APCDD1L: variants seen among roughly 807,000 people sequenced by gnomAD.
APCDD1L encodes the protein APC down-regulated 1 like, also known as protein APCDD1-like.
Under a neutral mutation model 24.2 loss-of-function variants are expected in APCDD1L, and 21 were observed. The observed-to-expected ratio is 0.87, with a 90% CI of 0.61 to 1.25. The LOEUF (loss-of-function observed/expected upper bound fraction) is 1.25. Among genes scored for constraint, APCDD1L ranks in the 50% most tolerant of loss-of-function variants. The pLI is 0.00. For synonymous variants in APCDD1L, 321 were observed against 323.6 expected (o/e 0.99, Z 0.09); for missense variants, 704 against 711.7 (o/e 0.99, Z 0.12).
chr20:58,481,968 G>A (rs530666065), intron 1 of APCDD1L, among the ~76,000 whole-genome samples: 134 of 152,278 alleles, frequency 8.8e-4, no homozygotes, highest in Middle Eastern at 3.4e-3. Context: ...GCTCCAGTTG[G>A]AACCACATAA....
chr20:58,468,200 G>A (rs1989752994), intron 2 of APCDD1L, among the ~76,000 whole-genome samples: 1 of 152,174 alleles, frequency 6.6e-6, no homozygotes, highest in Admixed American at 6.5e-5. Context: ...GTTTTGGTGG[G>A]CTGGGTGGTT....
chr20:58,467,608 T>TAGA lies in APCDD1L; in HGVS notation c.236_238dup (p.Phe79dup). The TAGA allele has an allele frequency of 6.5e-7, 1 of 1,545,662 alleles. No homozygotes were observed. Among genetic ancestry groups the TAGA allele is most frequent in the Non-Finnish European group, 8.7e-7 (1 of 1,143,030 alleles). On this transcript the variant is annotated inframe_insertion, in exon 3 of 4. Coordinates refer to ENST00000371149, the MANE Select transcript of APCDD1L (RefSeq NM_153360.3). The surrounding 1 kb of genome is among the most constrained non-coding windows in gnomAD (Gnocchi z 5.9). ...GTGGGCTCGAAAGAGCCGGCTGGGG[T>TAGA]AGAAGGTGTAGGCGCGGGTCAGGAA...
intron 1 of APCDD1L, among the ~76,000 whole-genome samples, chr20:58,478,027 A>C (rs930029665): frequency 1.3e-5 from 2 of 152,054 alleles, no homozygotes; most frequent in Non-Finnish European, 2.9e-5. Context: ...CTGAATATTT[A>C]TTTTACTTTA....
chr20:58,480,474 C>T (rs536340995), intron 1 of APCDD1L, among the ~76,000 whole-genome samples: 8 of 152,300 alleles, frequency 5.3e-5, no homozygotes, highest in Admixed American at 1.3e-4. Context: ...GTCTGGACCA[C>T]GGGATGGAGG....
chr20:58,482,948 A>T (rs1990050346), intron 1 of APCDD1L, among the ~76,000 whole-genome samples: 1 of 152,212 alleles, frequency 6.6e-6, no homozygotes, highest in South Asian at 2.1e-4. Context: ...GTTGCAGAGC[A>T]GAGAGGCATC....
rs1289441711 is a variant in APCDD1L at position 58,508,856 on chromosome 20, T to C, written c.49+5803A>G. Among the ~76,000 whole-genome samples, 1 of 151,096 alleles carries C rather than the reference T, an allele frequency of 6.6e-6. No individual in the cohort carries two copies. The highest frequency in any genetic ancestry group is 2.4e-5 in the African/African-American group (1 of 41,028). ...ATGATAGGCCACGGTGTATGGAGAG[T>C]GAGGGGTGCCGTGCAGAAAGGCAGA... is the stretch of plus-strand genomic sequence containing the variant. On this transcript the variant is annotated intron_variant, in intron 1 of 3. Coordinates refer to ENST00000371149, the MANE Select transcript of APCDD1L (RefSeq NM_153360.3). This position sits in a 1 kb window ranked among gnomAD's most constrained non-coding sequence, Gnocchi z 4.0.
At position 58,461,678 on chromosome 20, in the gene APCDD1L, CCT is replaced by C; in HGVS notation, c.742-126_742-125del. On this transcript the variant is annotated intron_variant, in intron 3 of 3. Transcript: ENST00000371149. This position sits in a 1 kb window ranked among gnomAD's most constrained non-coding sequence, Gnocchi z 6.0. ...GGTGAGGTGCGGCCTGTCCCTCCCT[CCT>C]CTCTCTCCTCACTCCCTGCCTTCAG... is the stretch of plus-strand genomic sequence containing the variant. 1 of 971,368 alleles carries C rather than the reference CCT, an allele frequency of 1.0e-6. No homozygotes were observed. Among genetic ancestry groups the C allele is most frequent in the Non-Finnish European group, 1.4e-6 (1 of 734,858 alleles). The allele number at this position is 971,368 out of a possible 1,614,324, so 60.2% of individuals were successfully genotyped here. A position where few individuals can be genotyped will look rare whatever the true frequency, so the allele number is the denominator to read the frequency against.
At chr20:58,482,979 C>T (rs1396068228) in intron 1 of APCDD1L, among the ~76,000 whole-genome samples, 1 of 152,188 alleles carries the variant, frequency 6.6e-6, no homozygotes, top group East Asian at 1.9e-4. Context: ...CAGGGTCTGA[C>T]ATTCCAAGCC....
rs1428937254 is a variant in APCDD1L at position 58,515,174 on chromosome 20, G to A, written c.-467C>T. ...GCCAGGCCGTTCCCTGGAAGGGCAA[G>A]CGGGGCGGGGAGTTCCTCTAAGCCC... On this transcript the variant is annotated 5_prime_UTR_variant, in exon 1 of 4. Transcript: ENST00000371149. The A allele has an allele frequency of 1.2e-5, 2 of 173,386 alleles. No individual in the cohort carries two copies. The highest frequency in any genetic ancestry group is 4.7e-5 in the African/African-American group (2 of 42,370). 10.7% of individuals were successfully genotyped at this position (173,386 alleles called of 1,614,324 possible).
chr20:58,510,027 G>A (rs187082166), intron 1 of APCDD1L, among the ~76,000 whole-genome samples: 46 of 152,112 alleles, frequency 3.0e-4, no homozygotes, highest in East Asian at 9.7e-4. Flanking sequence ...TCCTTCTGCC[G>A]GGAATTCTGT....
intron 1 of APCDD1L, among the ~76,000 whole-genome samples, chr20:58,484,105 G>A (rs1018078313): frequency 2.6e-5 from 4 of 152,218 alleles, no homozygotes; most frequent in African/African-American, 9.7e-5. Flanking sequence ...ATGGATGAGT[G>A]TGGCAATTTG....
intron 1 of APCDD1L, among the ~76,000 whole-genome samples, chr20:58,496,708 G>A (rs1990329908): frequency 6.6e-6 from 1 of 152,228 alleles, no homozygotes; most frequent in African/African-American, 2.4e-5. Context: ...AGGCTCAGGT[G>A]AGCTGGGTGG....
intron 1 of APCDD1L, among the ~76,000 whole-genome samples, chr20:58,478,112 C>G (rs1425991322): frequency 6.6e-6 from 1 of 152,172 alleles, no homozygotes; most frequent in Admixed American, 6.5e-5. Flanking sequence ...GGGAGCTCCT[C>G]CAGTTAATCT....
rs373198077 is a variant in APCDD1L at position 58,471,500 on chromosome 20, A to T, written c.50-753T>A. On this transcript the variant is annotated intron_variant, in intron 1 of 3. Transcript: ENST00000371149. ...GCTCAGGGCAGAAGGTGACTGGAAG[A>T]TGGACACGGGAAGCAGGCGCTGCAG... Among the ~76,000 whole-genome samples, 125 of 152,358 alleles carry T rather than the reference A, an allele frequency of 8.2e-4. 1 individual carries two copies. The South Asian group carries it at 0.012, about 15-fold the overall frequency.
At chr20:58,491,777 A>T (rs1439401512) in intron 1 of APCDD1L, among the ~76,000 whole-genome samples, 1 of 152,242 alleles carries the variant, frequency 6.6e-6, no homozygotes, top group Non-Finnish European at 1.5e-5. Context: ...GGAATTGAAA[A>T]ATAGTAAGAT....
At chr20:58,471,269 C>T (rs950312145) in intron 1 of APCDD1L, among the ~76,000 whole-genome samples, 4 of 152,218 alleles carry the variant, frequency 2.6e-5, no homozygotes, top group African/African-American at 9.6e-5. Flanking sequence ...TCTCCCGGCA[C>T]ACAGCAGGCC....
At chr20:58,504,271 C>T (rs1044955531) in intron 1 of APCDD1L, among the ~76,000 whole-genome samples, 2 of 152,184 alleles carry the variant, frequency 1.3e-5, no homozygotes, top group African/African-American at 4.8e-5. Context: ...TGGCTCTTCT[C>T]TGTGATGAGC....
At position 58,467,055 on chromosome 20, in the gene APCDD1L, C is replaced by G; in HGVS notation, c.741+51G>C. 6.5e-7 allele frequency: 1 copy of G among 1,537,968 alleles called. No individual in the cohort carries two copies. The highest frequency in any genetic ancestry group is 8.7e-7 in the Non-Finnish European group (1 of 1,147,262). ...GCTGCGGGGCTGGGTTCCGAGCTCGCCTCCCCGAGACCACCACCCCCCTCT... is the reference window on the plus strand; with the variant it reads ...GCTGCGGGGCTGGGTTCCGAGCTCGGCTCCCCGAGACCACCACCCCCCTCT... On this transcript the variant is annotated intron_variant, in intron 3 of 3. Transcript: ENST00000371149. The surrounding 1 kb of genome is among the most constrained non-coding windows in gnomAD (Gnocchi z 5.9).
intron 3 of APCDD1L, among the ~76,000 whole-genome samples, chr20:58,465,798 A>G (rs1989693761): frequency 6.6e-6 from 1 of 152,172 alleles, no homozygotes; most frequent in Non-Finnish European, 1.5e-5. Flanking sequence ...TACTGGAAAC[A>G]TGGTTTGCAG....
Sources: gnomAD v4.1 joint callset for allele counts (sites outside exome capture counted in the v4.1 genomes callset) on GRCh38, gnomAD v4.1.1 for gene constraint, Gnocchi (gnomAD v3.1) non-coding constraint, MANE v1.5 for transcripts, NCBI Gene and HGNC (gene_info 2026-07-23, HGNC 2026-07-21) for gene names.